Variants in TENM1 observed in about 807,000 individuals in gnomAD.
TENM1 encodes teneurin-1.
A neutral mutation model predicts 174.8 loss-of-function variants in TENM1; 35 were observed. That is an observed-to-expected ratio of 0.20 (90% CI 0.15 to 0.27). The LOEUF (loss-of-function observed/expected upper bound fraction) is 0.27. TENM1 is among the 10% of genes least tolerant of loss of function. TENM1 has a pLI of 1.00. For synonymous variants in TENM1, 781 were observed against 798.7 expected, an observed-to-expected ratio of 0.98 and a Z score of 0.37; for missense variants, 1,633 against 2,130.1, an observed-to-expected ratio of 0.77 and a Z score of 4.59.
At chrX:124,495,384 T>C (rs2047174915) in intron 20 of TENM1, among the ~76,000 whole-genome samples, 1 of 108,658 alleles carries the variant, frequency 9.2e-6, no homozygotes, top group Admixed American at 9.8e-5. Flanking sequence ...TGTAAATTTG[T>C]TTGAGTTCAT....
chrX:124,591,031 T>C (rs1390027360), intron 11 of TENM1, among the ~76,000 whole-genome samples: 1 of 112,176 alleles, frequency 8.9e-6, no homozygotes, highest in Non-Finnish European at 1.9e-5. Context: ...GTCTGTTTTA[T>C]CTGATATAAG....
At chrX:124,539,137 C>A (rs1441890864) in intron 15 of TENM1, among the ~76,000 whole-genome samples, 2 of 111,681 alleles carry the variant, frequency 1.8e-5, no homozygotes, top group Non-Finnish European at 3.8e-5. Flanking sequence ...TTTTCCATTG[C>A]ACATTATGTC....
upstream of TENM1, among the ~76,000 whole-genome samples, chrX:124,968,155 A>C (rs1292639559): frequency 4.5e-5 from 5 of 111,904 alleles, no homozygotes; most frequent in Non-Finnish European, 9.4e-5. Context: ...AAGTAAAACA[A>C]CACCAAAAAA....
At chrX:124,564,942 C>T (rs772376868) in intron 12 of TENM1, among the ~76,000 whole-genome samples, 1 of 111,300 alleles carries the variant, frequency 9.0e-6, no homozygotes, top group African/African-American at 3.3e-5. Context: ...CTAATGATAT[C>T]GAATGGCCCC....
chrX:124,377,740 T>A (rs2060117668), exon 32 of TENM1: 1 of 111,814 alleles, frequency 8.9e-6, no homozygotes, highest in African/African-American at 3.3e-5. Flanking sequence ...ACTCGAATGG[T>A]GTGTGGCTGT....
chrX:124,583,132 T>C (rs949630317), intron 11 of TENM1, among the ~76,000 whole-genome samples: 9 of 111,440 alleles, frequency 8.1e-5, no homozygotes, highest in Non-Finnish European at 1.1e-4. Flanking sequence ...AAGACAGCAG[T>C]AACCTCTGCA....
At chrX:125,042,243 C>G in the TENM1 span, among the ~76,000 whole-genome samples, 1 of 111,382 alleles carries the variant, frequency 9.0e-6, no homozygotes, top group South Asian at 3.7e-4. Context: ...GAAGTGAACA[C>G]CAGAAATGAG....
At position 124,659,594 on chromosome X, in the gene TENM1, C is replaced by A. The variant is rs758450806; in HGVS notation, c.1169-5811G>T. Among the ~76,000 whole-genome samples the A allele has an allele frequency of 2.5e-3, 278 of 110,075 alleles. 2 individuals carry two copies. Among genetic ancestry groups the A allele is most frequent in the African/African-American group, 8.9e-3 (263 of 29,503 alleles). ...ATTCAATGCAGTCCCTGTCAAAATT[C>A]CAACTCTCATTTTTTTTTTAGAAAT... On this transcript the variant is annotated intron_variant, in intron 6 of 31. Transcript: ENST00000422452.
At chrX:124,937,895 A>G (rs1476773677) in intron 1 of TENM1, among the ~76,000 whole-genome samples, 3 of 112,098 alleles carry the variant, frequency 2.7e-5, no homozygotes, top group Non-Finnish European at 5.6e-5. Flanking sequence ...CAATATTATT[A>G]CAGCTTCTTT....
intron 5 of TENM1, among the ~76,000 whole-genome samples, chrX:124,691,643 C>T (rs964620761): frequency 1.8e-5 from 2 of 111,821 alleles, no homozygotes; most frequent in Non-Finnish European, 3.8e-5. Flanking sequence ...TCATTTCTTA[C>T]TTCGTATATA....
chrX:125,194,618 A>T, the TENM1 span, among the ~76,000 whole-genome samples: 19 of 112,064 alleles, frequency 1.7e-4, no homozygotes, highest in East Asian at 5.3e-3. Flanking sequence ...GATTATCTCC[A>T]TGCAGCAAAA....
At chrX:125,152,465 G>T in the TENM1 span, among the ~76,000 whole-genome samples, 13 of 111,942 alleles carry the variant, frequency 1.2e-4, no homozygotes, top group Admixed American at 5.7e-4. Context: ...AATCAACACA[G>T]GCACTTAGAT....
chrX:124,649,374 G>T (rs190723806), intron 8 of TENM1, among the ~76,000 whole-genome samples: 78 of 112,412 alleles, frequency 6.9e-4, no homozygotes, highest in Non-Finnish European at 1.5e-4. Context: ...TATGGAATTT[G>T]GAATCAGACA....
At chrX:125,059,924 C>T in the TENM1 span, among the ~76,000 whole-genome samples, 1 of 109,420 alleles carries the variant, frequency 9.1e-6, no homozygotes, top group Non-Finnish European at 1.9e-5. Flanking sequence ...TTTAAGTCAG[C>T]AGACATGGAG....
chrX:124,904,061 G>A (rs759698143), intron 1 of TENM1, among the ~76,000 whole-genome samples: 4 of 106,923 alleles, frequency 3.7e-5, no homozygotes, highest in Admixed American at 2.9e-4. Context: ...ATGGGTGCGT[G>A]TGTGTGTGCG....
the TENM1 span, among the ~76,000 whole-genome samples, chrX:125,032,797 ACAGCCT>A: frequency 9.8e-5 from 11 of 111,817 alleles, no homozygotes; most frequent in African/African-American, 3.6e-4. Context: ...CCAGCACAAC[ACAGCCT>A]CACGTCCCAG....
chrX:124,749,158 T>C (rs1000176808), intron 3 of TENM1, among the ~76,000 whole-genome samples: 8 of 111,553 alleles, frequency 7.2e-5, no homozygotes, highest in Admixed American at 1.9e-4. Flanking sequence ...ATAAGAACAG[T>C]TGACACCTTT....
At chrX:124,920,214 C>T (rs950505791) in intron 1 of TENM1, among the ~76,000 whole-genome samples, 13 of 111,374 alleles carry the variant, frequency 1.2e-4, no homozygotes, top group African/African-American at 4.2e-4. Context: ...ATGCAGAAAA[C>T]ACATAAATAC....
intron 23 of TENM1, among the ~76,000 whole-genome samples, chrX:124,427,705 C>T (rs765264705): frequency 3.5e-4 from 39 of 111,999 alleles, no homozygotes; most frequent in African/African-American, 1.2e-3. Context: ...GGTAAGTTTT[C>T]AAGGAACTGG....
Sources: gnomAD v4.1 joint callset for allele counts (sites outside exome capture counted in the v4.1 genomes callset) on GRCh38, gnomAD v4.1.1 for gene constraint, MANE v1.5 for transcripts, NCBI Gene and HGNC (gene_info 2026-07-23, HGNC 2026-07-21) for gene names.